PDE4D: variants seen among roughly 807,000 people sequenced by gnomAD.
PDE4D encodes the protein phosphodiesterase 4D, also known as 3',5'-cyclic-AMP phosphodiesterase 4D.
A neutral mutation model predicts 87.4 loss-of-function variants in PDE4D; 24 were observed. That is an observed-to-expected ratio of 0.27 (90% CI 0.20 to 0.39). PDE4D has a LOEUF of 0.39. Among genes scored for constraint, PDE4D ranks in the 10% least tolerant of loss-of-function variants. The probability of loss-of-function intolerance (pLI) is 1.00; values close to 1 mark genes in which losing one functional copy is unlikely to be tolerated. For missense variants in PDE4D, 714 were observed against 1,041.0 expected (o/e 0.69, Z 4.32); for synonymous variants, 384 against 383.2 (o/e 1.00, Z -0.02).
Position 58,975,150 on chromosome 5 carries a change from A to G in PDE4D, c.2014-70T>C. 1.1e-6 allele frequency: 1 copy of G among 896,416 alleles called. No individual in the cohort carries two copies. Among genetic ancestry groups the G allele is most frequent in the Non-Finnish European group, 1.6e-6 (1 of 632,078 alleles). The allele number at this position is 896,416 out of a possible 1,614,324, so 55.5% of individuals were successfully genotyped here. On this transcript the variant is annotated intron_variant, in intron 14 of 14. Coordinates refer to ENST00000340635, the MANE Select transcript of PDE4D (RefSeq NM_001104631.2). The surrounding 1 kb of genome is among the most constrained non-coding windows in gnomAD (Gnocchi z 4.2). ...AGAAACAATGGAAAAGCTTAATTAG[A>G]TCATGGCCCACAAATAAAACACTGA...
chr5:60,053,806 T>A (rs1296617982), intron 2 of PDE4D, among the ~76,000 whole-genome samples: 2 of 151,970 alleles, frequency 1.3e-5, no homozygotes, highest in African/African-American at 4.8e-5. Context: ...GTCTAACATC[T>A]AGAATCTACA....
chr5:60,100,188 A>G (rs1776079113), intron 2 of PDE4D, among the ~76,000 whole-genome samples: 2 of 151,964 alleles, frequency 1.3e-5, no homozygotes, highest in Non-Finnish European at 2.9e-5. Context: ...ATAAAAATGG[A>G]AGGAAATTAT....
intron 5 of PDE4D, among the ~76,000 whole-genome samples, chr5:59,056,758 G>A (rs149675428): frequency 1.3e-5 from 2 of 152,154 alleles, no homozygotes; most frequent in Admixed American, 6.5e-5. Flanking sequence ...CTTCATTCAC[G>A]TCCCTGCAAA....
intron 1 of PDE4D, among the ~76,000 whole-genome samples, chr5:59,876,493 A>T (rs1012740162): frequency 6.6e-6 from 1 of 152,100 alleles, no homozygotes; most frequent in Non-Finnish European, 1.5e-5. Flanking sequence ...CCTTTTTCTA[A>T]TTGATTGCTA....
intron 1 of PDE4D, among the ~76,000 whole-genome samples, chr5:59,233,203 T>C (rs1408121931): frequency 6.6e-6 from 1 of 152,158 alleles, no homozygotes; most frequent in Non-Finnish European, 1.5e-5. Flanking sequence ...AAATGATAAA[T>C]GCCCAAGGTG....
At chr5:59,976,682 C>T (rs1294283769) in intron 3 of PDE4D, among the ~76,000 whole-genome samples, 3 of 152,160 alleles carry the variant, frequency 2.0e-5, no homozygotes, top group African/African-American at 7.2e-5. Flanking sequence ...ATTGCTTTAT[C>T]ACACTTCACA....
At position 59,529,581 on chromosome 5, in the gene PDE4D, G is replaced by GA. The variant is rs369894481; in HGVS notation, c.456-313614dup. Among the ~76,000 whole-genome samples the GA allele has an allele frequency of 4.3e-3, 658 of 152,202 alleles. 5 individuals are homozygous for GA. Among genetic ancestry groups the GA allele is most frequent in the African/African-American group, 0.015 (640 of 41,548 alleles). ...GGGCACTGGTGTCTTTTTTCATCCT[G>GA]AAAATTCTGATTCAACAAAAAAGTT... On this transcript the variant is annotated intron_variant, in intron 1 of 14. Transcript: ENST00000340635.
chr5:60,009,608 G>A (rs1387760877), intron 2 of PDE4D, among the ~76,000 whole-genome samples: 2 of 151,988 alleles, frequency 1.3e-5, no homozygotes, highest in Non-Finnish European at 2.9e-5. Context: ...GATCAAGTTA[G>A]AAAAATTTTT....
chr5:59,072,712 ATGT>A (rs745932936), intron 5 of PDE4D, among the ~76,000 whole-genome samples: 2 of 152,156 alleles, frequency 1.3e-5, no homozygotes, highest in Non-Finnish European at 2.9e-5. Context: ...AGAGGTCTTC[ATGT>A]TGTTTTTTTG....
intron 2 of PDE4D, among the ~76,000 whole-genome samples, chr5:60,170,683 T>A (rs190867936): frequency 3.3e-4 from 50 of 151,964 alleles, no homozygotes; most frequent in African/African-American, 1.1e-3. Context: ...AGAAAAATCA[T>A]GAAGAGAAAC....
intron 1 of PDE4D, among the ~76,000 whole-genome samples, chr5:59,391,362 T>C (rs1788205183): frequency 6.6e-6 from 1 of 152,198 alleles, no homozygotes; most frequent in Admixed American, 6.5e-5. Context: ...AGTGTTGCTT[T>C]AAAATTCCTG....
intron 1 of PDE4D, among the ~76,000 whole-genome samples, chr5:59,601,504 T>C (rs1418877496): frequency 6.6e-6 from 1 of 152,050 alleles, no homozygotes; most frequent in Admixed American, 6.6e-5. Flanking sequence ...CATGTCATTG[T>C]TGTTATTTTC....
intron 1 of PDE4D, among the ~76,000 whole-genome samples, chr5:59,746,918 C>T (rs1759693950): frequency 6.6e-6 from 1 of 152,148 alleles, no homozygotes; most frequent in Admixed American, 6.6e-5. Context: ...CTTTGTAACT[C>T]ACATCATTAA....
chr5:60,011,725 T>C (rs1183690286), intron 2 of PDE4D, among the ~76,000 whole-genome samples: 7 of 152,044 alleles, frequency 4.6e-5, no homozygotes, highest in African/African-American at 1.7e-4. Flanking sequence ...CCATTTACAG[T>C]AAAAGTATGC....
intron 1 of PDE4D, among the ~76,000 whole-genome samples, chr5:59,822,998 G>A (rs1242547686): frequency 1.1e-4 from 17 of 152,150 alleles, no homozygotes; most frequent in Admixed American, 1.1e-3. Flanking sequence ...TTATACCCTG[G>A]TTTACAGAAT....
chr5:59,236,638 G>T (rs1315057675), intron 1 of PDE4D, among the ~76,000 whole-genome samples: 2 of 152,094 alleles, frequency 1.3e-5, no homozygotes, highest in Non-Finnish European at 2.9e-5. Flanking sequence ...GAGCGGGAGT[G>T]GTGAGAAGAG....
At chr5:60,515,257 T>A (rs183423712) in intron 1 of PDE4D, among the ~76,000 whole-genome samples, 2 of 152,272 alleles carry the variant, frequency 1.3e-5, no homozygotes, top group East Asian at 3.9e-4. Flanking sequence ...GCTACTTGCA[T>A]TTCCATATAA....
At chr5:60,028,718 A>G in intron 2 of PDE4D, among the ~76,000 whole-genome samples, 1 of 152,184 alleles carries the variant, frequency 6.6e-6, no homozygotes, top group East Asian at 1.9e-4. Flanking sequence ...GTGACTCAAC[A>G]TTCTAAAAAC....
exon 3 of PDE4D, chr5:59,988,538 G>A: frequency 6.9e-6 from 11 of 1,599,348 alleles, no homozygotes; most frequent in Non-Finnish European, 8.5e-6. Context: ...TCTTCAGGGG[G>A]AGGCTGGTTG....
Sources: gnomAD v4.1 joint callset for allele counts (sites outside exome capture counted in the v4.1 genomes callset) on GRCh38, gnomAD v4.1.1 for gene constraint, Gnocchi (gnomAD v3.1) non-coding constraint, MANE v1.5 for transcripts, NCBI Gene and HGNC (gene_info 2026-07-23, HGNC 2026-07-21) for gene names.